DNAH5: variants seen among roughly 807,000 people sequenced by gnomAD.
DNAH5 encodes the protein axonemal beta dynein heavy chain 5.
A neutral mutation model predicts 518.2 loss-of-function variants in DNAH5; 372 were observed. The observed-to-expected ratio is 0.72, with a 90% CI of 0.66 to 0.78. The LOEUF (loss-of-function observed/expected upper bound fraction) is 0.78, where lower values mean the gene tolerates loss of function less well. Ranked by LOEUF, DNAH5 falls within the 30% of genes least tolerant of loss-of-function variation. The probability of loss-of-function intolerance (pLI) is 0.00; values close to 1 mark genes in which losing one functional copy is unlikely to be tolerated. For missense variants in DNAH5, 5,523 were observed against 5,687.0 expected (o/e 0.97, Z 0.93); for synonymous variants, 2,039 against 2,025.9 (o/e 1.01, Z -0.17).
In DNAH5 at chr5:13,758,885, C is replaced by A; in HGVS notation, c.10380G>T (p.Val3460=). Residue 3460 remains valine, a synonymous_variant, in exon 61 of 79, where the codon GTG becomes GTT. Coordinates refer to ENST00000265104, the MANE Select transcript of DNAH5 (RefSeq NM_001369.3). ...TGGCCTGTTCATACTCAGCCTGCAC[C>A]ACGTCAAGTTCCGCCTGCTTGTCAT... The part of the protein sequence containing the change: ...ELDDKQAELD[V]VQAEYEQAMT... 6.2e-7 allele frequency: 1 copy of A among 1,614,168 alleles called. No homozygotes were observed. Among genetic ancestry groups the A allele is most frequent in the South Asian group, 1.1e-5 (1 of 91,078 alleles).
intron 59 of DNAH5, 80 bp from the exon 60 acceptor site, chr5:13,762,981 G>T: frequency 8.3e-7 from 1 of 1,199,762 alleles, no homozygotes; most frequent in Non-Finnish European, 1.2e-6. Flanking sequence ...CAATGCCACT[G>T]AAACTACTGA....
Position 13,861,414 on chromosome 5 carries a change from G to A in DNAH5, c.4796+1134C>T, listed in dbSNP as rs150763614. On this transcript the variant is annotated intron_variant, in intron 29 of 78. Transcript: ENST00000265104. Reference sequence around the variant, plus strand: ...GTACACAGTATTTCCAACATTAAAAGTATTGATACACATATATATGGAGAA... The same window carrying A: ...GTACACAGTATTTCCAACATTAAAAATATTGATACACATATATATGGAGAA... Among the ~76,000 whole-genome samples, 1,279 of 152,282 alleles carry A rather than the reference G, an allele frequency of 8.4e-3. 61 individuals carry two copies. Among genetic ancestry groups the A allele is most frequent in the Admixed American group, 0.079 (1,207 of 15,294 alleles).
chr5:13,934,049 A>G (rs1288790302), intron 1 of DNAH5, among the ~76,000 whole-genome samples: 2 of 151,882 alleles, frequency 1.3e-5, no homozygotes, highest in Non-Finnish European at 2.9e-5. Flanking sequence ...GGCTAGCCCT[A>G]TGGCCAGTTT....
At chr5:13,732,371 G>A (rs552560725) in intron 68 of DNAH5, among the ~76,000 whole-genome samples, 1 of 152,108 alleles carries the variant, frequency 6.6e-6, no homozygotes, top group East Asian at 1.9e-4. Context: ...TCTCTCTTGA[G>A]CCCCTTTTTT....
intron 35 of DNAH5, among the ~76,000 whole-genome samples, chr5:13,833,943 C>A (rs1408738174): frequency 1.3e-5 from 2 of 152,222 alleles, no homozygotes; most frequent in Admixed American, 1.3e-4. Flanking sequence ...GCTGCCCCAG[C>A]TGTTAAATTC....
chr5:13,765,951 A>G, intron 59 of DNAH5, 25 bp downstream of exon 59: 2 of 1,608,320 alleles, frequency 1.2e-6, no homozygotes, highest in Non-Finnish European at 1.7e-6. Flanking sequence ...GTTCCCTCTT[A>G]GCCCATCACC....
chr5:13,960,729 G>A (rs1263981240), intron 1 of DNAH5, among the ~76,000 whole-genome samples: 1 of 152,088 alleles, frequency 6.6e-6, no homozygotes, highest in Non-Finnish European at 1.5e-5. Flanking sequence ...CACCTCCCTG[G>A]GAGTCCCTCA....
At chr5:13,794,188 C>T (rs1180307334) in intron 47 of DNAH5, 130 bp from the exon 48 acceptor site, 1 of 1,158,532 alleles carries the variant, frequency 8.6e-7, no homozygotes, top group Non-Finnish European at 1.2e-6. Flanking sequence ...CAAATTTCCC[C>T]CTTAATTCTA....
chr5:13,965,732 C>T lies in DNAH5; in HGVS notation c.13-34488G>A, dbSNP rs1278763401. Among the ~76,000 whole-genome samples the T allele has an allele frequency of 3.3e-5, 5 of 152,236 alleles. No individual in the cohort carries two copies. The East Asian group carries it at 5.8e-4, about 18-fold the overall frequency. On this transcript the variant is annotated intron_variant, in intron 1 of 78. Coordinates refer to the DNAH5 transcript ENST00000681290. ...CAAATATATTCGAAAATGTCCTAGC[C>T]CTCCTAATACTAGATTTTTACATAT...
At chr5:13,702,385 A>G (rs1742228903) in intron 76 of DNAH5, among the ~76,000 whole-genome samples, 1 of 152,248 alleles carries the variant, frequency 6.6e-6, no homozygotes, top group African/African-American at 2.4e-5. Context: ...TTTAAGAATT[A>G]AATCACTCAT....
intron 73 of DNAH5, 55 bp from the exon 74 acceptor site, chr5:13,716,745 T>A (rs796969985): frequency 8.0e-7 from 1 of 1,254,462 alleles, no homozygotes; most frequent in African/African-American, 1.5e-5. Flanking sequence ...CATTATTATT[T>A]CCCTGCCAAG....
chr5:13,720,880 A>C, intron 71 of DNAH5, 120 bp downstream of exon 71: 2 of 1,376,414 alleles, frequency 1.5e-6, no homozygotes, highest in East Asian at 4.7e-5. Flanking sequence ...AACGCTGTTT[A>C]GTAAACAGCA....
At chr5:13,918,472 T>G (rs907754031) in intron 7 of DNAH5, among the ~76,000 whole-genome samples, 1 of 152,122 alleles carries the variant, frequency 6.6e-6, no homozygotes, top group African/African-American at 2.4e-5. Flanking sequence ...GCTGTTTTTG[T>G]TTTTTGTTTT....
rs1432712168 is a variant in DNAH5, at chr5:13,747,165, T to G, written c.11211+3913A>C. On this transcript the variant is annotated intron_variant, in intron 65 of 78. Coordinates refer to ENST00000265104, the MANE Select transcript of DNAH5 (RefSeq NM_001369.3). Reference sequence around the variant, plus strand: ...TTGGTTTTTTGTCCTTGCGATAGTTTGCTGAGAATGATGGTTTCCAGCTTC... The same window carrying G: ...TTGGTTTTTTGTCCTTGCGATAGTTGGCTGAGAATGATGGTTTCCAGCTTC... Among the ~76,000 whole-genome samples the G allele has an allele frequency of 2.6e-5, 4 of 152,278 alleles. No homozygotes were observed. The East Asian group carries it at 7.7e-4, about 29-fold the overall frequency.
chr5:13,882,861 G>C, intron 20 of DNAH5, 43 bp downstream of exon 20: 1 of 1,613,760 alleles, frequency 6.2e-7, no homozygotes, highest in Non-Finnish European at 8.5e-7. Context: ...ATCTGTAAAA[G>C]AAGTGGTTTC....
chr5:13,955,071 G>A (rs1487151773), intron 1 of DNAH5, among the ~76,000 whole-genome samples: 1 of 152,158 alleles, frequency 6.6e-6, no homozygotes, highest in African/African-American at 2.4e-5. Context: ...TAATCCCCAC[G>A]TATTGAAGGT....
intron 60 of DNAH5, 113 bp downstream of exon 60, chr5:13,762,609 C>G: frequency 1.1e-6 from 1 of 906,822 alleles, no homozygotes. Flanking sequence ...CCCCATGGAC[C>G]TGAGTATCCT....
chr5:13,824,082 T>C (rs1047138409), intron 39 of DNAH5, 117 bp downstream of exon 39: 1 of 1,095,044 alleles, frequency 9.1e-7, no homozygotes, highest in Admixed American at 1.7e-5. Flanking sequence ...CAGCACTTTA[T>C]CTGACAATTA....
intron 1 of DNAH5, among the ~76,000 whole-genome samples, chr5:13,981,739 C>T (rs924268109): frequency 6.6e-6 from 1 of 152,116 alleles, no homozygotes; most frequent in African/African-American, 2.4e-5. Context: ...TCTTGATCTC[C>T]ATCAGTCTGA....
Sources: gnomAD v4.1 joint callset for allele counts (sites outside exome capture counted in the v4.1 genomes callset) on GRCh38, gnomAD v4.1.1 for gene constraint, MANE v1.5 for transcripts, NCBI Gene and HGNC (gene_info 2026-07-23, HGNC 2026-07-21) for gene names.